The following LPP variants were observed in gnomAD, a reference collection of about 807,000 sequenced individuals.
LPP encodes the protein lipoma-preferred partner.
Under a neutral mutation model 60.4 loss-of-function variants are expected in LPP, and 38 were observed. The ratio of observed to expected loss-of-function variants is 0.63; its 90% CI spans 0.49 to 0.83. The LOEUF (loss-of-function observed/expected upper bound fraction) is 0.83. Ranked by LOEUF, LPP falls within the 40% of genes least tolerant of loss-of-function variation. The pLI is 0.00. For missense variants in LPP, 902 were observed against 783.6 expected (o/e 1.15, Z -1.80); for synonymous variants, 328 against 290.8 (o/e 1.13, Z -1.30).
chr3:188,557,230 T>C (rs1166434642), intron 6 of LPP, among the ~76,000 whole-genome samples: 1 of 151,958 alleles, frequency 6.6e-6, no homozygotes, highest in Admixed American at 6.6e-5. Flanking sequence ...AAAAAGATGG[T>C]TTGATATTTG....
chr3:188,517,650 G>A (rs1342514981), intron 5 of LPP, among the ~76,000 whole-genome samples: 1 of 152,108 alleles, frequency 6.6e-6, no homozygotes, highest in East Asian at 1.9e-4. Flanking sequence ...AGGAGGTGAA[G>A]GGCACTTCTT....
chr3:188,648,530 C>T (rs76529474), intron 7 of LPP, among the ~76,000 whole-genome samples: 2,399 of 152,286 alleles, frequency 0.016, 56 homozygotes, highest in African/African-American at 0.055. Flanking sequence ...TATCCAGACA[C>T]CCAGATATCA....
intron 6 of LPP, among the ~76,000 whole-genome samples, chr3:188,588,167 G>A (rs576069747): frequency 2.1e-3 from 314 of 152,174 alleles, no homozygotes; most frequent in Non-Finnish European, 3.5e-3. Context: ...CTGACAATAG[G>A]GCTTCAGTAA....
chr3:188,620,132 A>C (rs1845541604), intron 7 of LPP, among the ~76,000 whole-genome samples: 1 of 152,182 alleles, frequency 6.6e-6, no homozygotes, highest in South Asian at 2.1e-4. Flanking sequence ...ATTTTAAGAT[A>C]ATTTGCATAC....
chr3:188,653,580 T>G (rs1852522247), intron 7 of LPP, among the ~76,000 whole-genome samples: 1 of 152,114 alleles, frequency 6.6e-6, no homozygotes, highest in African/African-American at 2.4e-5. Context: ...GAAGACTGAC[T>G]GTGAAAGATA....
At chr3:188,318,495 A>G (rs1408538831) in intron 2 of LPP, among the ~76,000 whole-genome samples, 1 of 151,844 alleles carries the variant, frequency 6.6e-6, no homozygotes, top group African/African-American at 2.4e-5. Flanking sequence ...GGAATGGAGT[A>G]GAATGTTTCC....
intron 6 of LPP, among the ~76,000 whole-genome samples, chr3:188,541,739 A>G (rs950795439): frequency 2.6e-5 from 4 of 152,078 alleles, no homozygotes; most frequent in African/African-American, 7.2e-5. Context: ...TCTAATAAAA[A>G]TACAAAAATT....
intron 4 of LPP, among the ~76,000 whole-genome samples, chr3:188,452,509 G>T (rs1442008640): frequency 6.6e-6 from 1 of 152,192 alleles, no homozygotes; most frequent in Non-Finnish European, 1.5e-5. Flanking sequence ...GTTGAGGGAT[G>T]ATAGAGTCCT....
At chr3:188,307,958 C>T (rs892725466) in intron 2 of LPP, among the ~76,000 whole-genome samples, 4 of 151,954 alleles carry the variant, frequency 2.6e-5, no homozygotes, top group East Asian at 1.9e-4. Context: ...TGTGTCTGTG[C>T]GTGTGTGTAA....
chr3:188,534,025 A>C (rs572543712), intron 6 of LPP, among the ~76,000 whole-genome samples: 1 of 152,232 alleles, frequency 6.6e-6, no homozygotes, highest in African/African-American at 2.4e-5. Context: ...ATTTAGCCTA[A>C]AAATCTACCT....
At chr3:188,407,768 GTT>G (rs760058728) in intron 4 of LPP, among the ~76,000 whole-genome samples, 2 of 61,280 alleles carry the variant, frequency 3.3e-5, no homozygotes, top group African/African-American at 9.0e-5. Context: ...CTCATTTATG[GTT>G]TTTTTTTTTG....
chr3:188,258,676 AT>A (rs1028006647), intron 2 of LPP, among the ~76,000 whole-genome samples: 4 of 152,162 alleles, frequency 2.6e-5, no homozygotes, highest in African/African-American at 9.7e-5. Flanking sequence ...GGTTCTCGCT[AT>A]TAGCGCAAAA....
At chr3:188,412,795 T>C (rs1190260197) in intron 4 of LPP, among the ~76,000 whole-genome samples, 2 of 152,156 alleles carry the variant, frequency 1.3e-5, no homozygotes, top group African/African-American at 2.4e-5. Flanking sequence ...AGGTGAATTA[T>C]ATTAAATAGG....
chr3:188,194,054 A>T (rs1384666504), intron 1 of LPP, among the ~76,000 whole-genome samples: 3 of 152,112 alleles, frequency 2.0e-5, no homozygotes, highest in African/African-American at 7.2e-5. Flanking sequence ...TCTGGTTCTC[A>T]TTGTTTCTTC....
chr3:188,555,642 A>G (rs1829295969), intron 6 of LPP, among the ~76,000 whole-genome samples: 1 of 152,074 alleles, frequency 6.6e-6, no homozygotes, highest in East Asian at 1.9e-4. Context: ...TGGAATTGCT[A>G]TTTAGTGAGA....
chr3:188,856,972 T>G (rs1763986633), intron 9 of LPP, among the ~76,000 whole-genome samples: 1 of 152,194 alleles, frequency 6.6e-6, no homozygotes, highest in Non-Finnish European at 1.5e-5. Context: ...TTATGTTAAT[T>G]TTATCATATT....
chr3:188,356,810 T>TA (rs551734242), intron 3 of LPP, among the ~76,000 whole-genome samples: 45 of 152,348 alleles, frequency 3.0e-4, no homozygotes, highest in African/African-American at 9.9e-4. Context: ...CTTTCCAACT[T>TA]ACCAGATTTT....
At chr3:188,215,000 A>G (rs568229398) in intron 1 of LPP, among the ~76,000 whole-genome samples, 1 of 152,226 alleles carries the variant, frequency 6.6e-6, no homozygotes, top group Non-Finnish European at 1.5e-5. Flanking sequence ...TGCCATCTTG[A>G]TGGTTTTTAA....
intron 2 of LPP, among the ~76,000 whole-genome samples, chr3:188,244,654 G>A (rs544062864): frequency 1.3e-5 from 2 of 152,312 alleles, no homozygotes; most frequent in Admixed American, 1.3e-4. Flanking sequence ...TTGTATTAGA[G>A]TCAAAAGTAT....
Sources: allele counts gnomAD v4.1 joint callset (sites outside exome capture counted in the v4.1 genomes callset), GRCh38; gene constraint gnomAD v4.1.1; transcripts MANE v1.5; gene names NCBI Gene and HGNC (gene_info 2026-07-23, HGNC 2026-07-21).